PPFIBP1: variants seen among roughly 807,000 people sequenced by gnomAD.
The protein encoded by PPFIBP1 is PPFIB scaffold protein 1.
PPFIBP1 carries 112 observed loss-of-function variants against 137.8 expected under a neutral mutation model. That is an observed-to-expected ratio of 0.81 (90% CI 0.70 to 0.95). PPFIBP1 has a LOEUF of 0.95. Among genes scored for constraint, PPFIBP1 ranks in the 40% least tolerant of loss-of-function variants. The pLI, the probability that PPFIBP1 is intolerant of heterozygous loss-of-function variation, is 0.00. For missense variants in PPFIBP1, 1,083 were observed against 1,196.6 expected, an observed-to-expected ratio of 0.91 and a Z score of 1.40; for synonymous variants, 378 against 417.3, an observed-to-expected ratio of 0.91 and a Z score of 1.15.
At chr12:27,692,697 G>C in intron 29 of PPFIBP1, 41 bp downstream of exon 29, 4 of 1,613,900 alleles carry the variant, frequency 2.5e-6, no homozygotes, top group Non-Finnish European at 3.4e-6. Context: ...TTCTATAAAT[G>C]TCTTTTATAA....
intron 4 of PPFIBP1, among the ~76,000 whole-genome samples, chr12:27,642,008 A>G (rs2058144823): frequency 6.6e-6 from 1 of 150,942 alleles, no homozygotes; most frequent in South Asian, 2.1e-4. Flanking sequence ...TAGATGGTGA[A>G]GGGAAAAGTA....
intron 16 of PPFIBP1, 67 bp downstream of exon 16, chr12:27,673,894 T>C: frequency 7.4e-7 from 1 of 1,347,508 alleles, no homozygotes. Context: ...GGGATCTTCA[T>C]CTTTTCCCTT....
intron 2 of PPFIBP1, among the ~76,000 whole-genome samples, chr12:27,586,923 T>G (rs940611339): frequency 6.6e-6 from 1 of 152,188 alleles, no homozygotes; most frequent in Admixed American, 6.5e-5. Context: ...TAAAAGATGG[T>G]ATTTTGAAGG....
At chr12:27,644,954 A>G (rs1193499698) in intron 4 of PPFIBP1, among the ~76,000 whole-genome samples, 1 of 149,888 alleles carries the variant, frequency 6.7e-6, no homozygotes, top group Non-Finnish European at 1.5e-5. Flanking sequence ...GACTTTTATT[A>G]TTCCAAGAAT....
chr12:27,648,977 A>T (rs79151577), intron 6 of PPFIBP1, among the ~76,000 whole-genome samples: 1 of 152,204 alleles, frequency 6.6e-6, no homozygotes, highest in African/African-American at 2.4e-5. Context: ...TTAATTATAC[A>T]TTTGGAAATA....
intron 1 of PPFIBP1, among the ~76,000 whole-genome samples, chr12:27,570,805 C>G (rs1028309268): frequency 6.6e-6 from 1 of 151,704 alleles, no homozygotes; most frequent in Non-Finnish European, 1.5e-5. Flanking sequence ...CCCAGCTACT[C>G]GGGAGGCTGA....
At position 27,676,589 on chromosome 12, in the gene PPFIBP1, A is replaced by T; in HGVS notation, c.1572A>T (p.Ala524=). ...KIKSNKRTAS[A]PNLDRKRSAS... ...AAAGTAACAAGAGAACAGCAAGTGC[A>T]CCAAACTTAGGTACGTATGACCAAA... Residue 524 remains alanine (A), a synonymous_variant, in exon 18 of 30, where the codon GCA becomes GCT. Transcript: ENST00000228425. 1 of 1,583,310 alleles carries T rather than the reference A, an allele frequency of 6.3e-7. No individual in the cohort carries two copies. The highest frequency in any genetic ancestry group is 2.3e-5 in the East Asian group (1 of 44,340).
intron 4 of PPFIBP1, among the ~76,000 whole-genome samples, chr12:27,641,370 G>A (rs1457211287): frequency 2.0e-5 from 3 of 152,148 alleles, no homozygotes; most frequent in African/African-American, 7.2e-5. Flanking sequence ...AAAGACAACT[G>A]TAGACCAATG....
At chr12:27,642,121 G>C (rs12423244) in intron 4 of PPFIBP1, among the ~76,000 whole-genome samples, 1 of 152,204 alleles carries the variant, frequency 6.6e-6, no homozygotes, top group African/African-American at 2.4e-5. Flanking sequence ...AATTCTATGA[G>C]GGATAAAGCG....
At chr12:27,621,218 CCATAGATGATA>C (rs1224900948) in intron 2 of PPFIBP1, among the ~76,000 whole-genome samples, 33 of 152,338 alleles carry the variant, frequency 2.2e-4, no homozygotes, top group African/African-American at 7.9e-4. Context: ...ATGAAAGCCA[CCATAGATGATA>C]CGTAAACGAA....
intron 2 of PPFIBP1, among the ~76,000 whole-genome samples, chr12:27,625,994 A>AT (rs1418076746): frequency 6.6e-6 from 1 of 152,102 alleles, no homozygotes; most frequent in East Asian, 1.9e-4. Flanking sequence ...TTTTAAAAAA[A>AT]GTATTGTAAC....
Position 27,682,503 on chromosome 12 carries a change from G to A in PPFIBP1, c.2158+5G>A. On this transcript the variant is annotated splice_donor_5th_base_variant and intron_variant, in intron 23 of 29. Coordinates refer to ENST00000228425, the MANE Select transcript of PPFIBP1 (RefSeq NM_003622.4). ...TGGATTTCAACTGGGTCACTAGTAA[G>A]AAGTTTTTATTCTAACAAAATGAAA... 6.2e-7 allele frequency: 1 copy of A among 1,610,222 alleles called. No individual in the cohort carries two copies. The highest frequency in any genetic ancestry group is 1.7e-5 in the Admixed American group (1 of 59,850).
chr12:27,554,263 C>G (rs1947061996), intron 1 of PPFIBP1, among the ~76,000 whole-genome samples: 1 of 152,176 alleles, frequency 6.6e-6, no homozygotes, highest in African/African-American at 2.4e-5. Flanking sequence ...TTGCCATCCG[C>G]CAGATTTCTC....
chr12:27,616,476 G>T (rs1280095712), intron 2 of PPFIBP1, among the ~76,000 whole-genome samples: 1 of 152,124 alleles, frequency 6.6e-6, no homozygotes, highest in Non-Finnish European at 1.5e-5. Flanking sequence ...CATTCCAAGG[G>T]CATCATTGTG....
chr12:27,653,060 G>C (rs1335869880), intron 7 of PPFIBP1, among the ~76,000 whole-genome samples: 2 of 145,654 alleles, frequency 1.4e-5, no homozygotes, highest in African/African-American at 2.6e-5. Context: ...TTTTATAAGA[G>C]ACCACAATTT....
At chr12:27,610,364 T>G (rs2054968629) in intron 2 of PPFIBP1, among the ~76,000 whole-genome samples, 1 of 152,232 alleles carries the variant, frequency 6.6e-6, no homozygotes, top group Admixed American at 6.5e-5. Context: ...TCTACACTGC[T>G]AGCTCTGTAG....
intron 8 of PPFIBP1, 179 bp downstream of exon 8, chr12:27,654,993 A>T (rs2059106760): frequency 8.5e-7 from 1 of 1,172,434 alleles, no homozygotes; most frequent in African/African-American, 1.6e-5. Flanking sequence ...TCTGAATTTA[A>T]AAACAAGGCT....
chr12:27,693,626 A>G lies in PPFIBP1; in HGVS notation c.*744A>G, dbSNP rs1452414394. The G allele has an allele frequency of 6.6e-6, 1 of 152,312 alleles. No individual in the cohort carries two copies. Among genetic ancestry groups the G allele is most frequent in the East Asian group, 1.9e-4 (1 of 5,186 alleles). 9.4% of individuals were successfully genotyped at this position (152,312 alleles called of 1,614,324 possible). A position where few individuals can be genotyped will look rare whatever the true frequency, so the allele number is the denominator to read the frequency against. On this transcript the variant is annotated 3_prime_UTR_variant, in exon 30 of 30. Coordinates refer to ENST00000228425, the MANE Select transcript of PPFIBP1 (RefSeq NM_003622.4). ...ACACCACAAAATTGTTGAACAGTTT[A>G]AGAATTTCAACCTTAATCTTGGATC...
rs1434333593 is a variant in PPFIBP1, at chr12:27,579,246, T to C, written c.-36+1007T>C. Among the ~76,000 whole-genome samples, 4 of 152,234 alleles carry C rather than the reference T, an allele frequency of 2.6e-5. No individual in the cohort carries two copies. The East Asian group carries it at 5.8e-4, about 22-fold the overall frequency. The stretch of plus-strand genomic sequence containing the variant: ...GGTCCATGGGAAACAGTTGATCTTA[T>C]GCAAACCAAAGGGCACGGACCAGAT... On this transcript the variant is annotated intron_variant, in intron 2 of 29. Transcript: ENST00000228425.
Sources: gnomAD v4.1 joint callset for allele counts (sites outside exome capture counted in the v4.1 genomes callset) on GRCh38, gnomAD v4.1.1 for gene constraint, MANE v1.5 for transcripts, NCBI Gene and HGNC (gene_info 2026-07-23, HGNC 2026-07-21) for gene names.